Variants in KCNQ3 observed in about 807,000 individuals in gnomAD.
The protein encoded by KCNQ3 is potassium voltage-gated channel subfamily Q member 3.
A neutral mutation model predicts 92.5 loss-of-function variants in KCNQ3; 30 were observed. That is an observed-to-expected ratio of 0.32 (90% CI 0.24 to 0.44). The LOEUF is 0.44. Among genes scored for constraint, KCNQ3 ranks in the 20% least tolerant of loss-of-function variants. KCNQ3 has a pLI of 1.00. For synonymous variants in KCNQ3, 450 were observed against 468.8 expected, an observed-to-expected ratio of 0.96 and a Z score of 0.52; for missense variants, 913 against 1,140.3, an observed-to-expected ratio of 0.80 and a Z score of 2.87.
chr8:132,244,710 A>C (rs1320338667), intron 1 of KCNQ3, among the ~76,000 whole-genome samples: 2 of 152,128 alleles, frequency 1.3e-5, no homozygotes, highest in Non-Finnish European at 2.9e-5. Flanking sequence ...TCTCCAATTC[A>C]AGTCCAGCTG....
intron 9 of KCNQ3, 99 bp downstream of exon 9, chr8:132,163,369 G>T: frequency 2.1e-6 from 2 of 974,386 alleles, no homozygotes; most frequent in South Asian, 1.3e-5. Context: ...TCTATCTTGG[G>T]ACCAGCATGA....
chr8:132,212,943 A>G (rs1418014725), intron 1 of KCNQ3, among the ~76,000 whole-genome samples: 1 of 152,226 alleles, frequency 6.6e-6, no homozygotes, highest in Non-Finnish European at 1.5e-5. Context: ...GAGCAGGTGC[A>G]CTTCTTCCAG....
chr8:132,176,884 A>G (rs1406805057), intron 4 of KCNQ3, among the ~76,000 whole-genome samples: 1 of 152,250 alleles, frequency 6.6e-6, no homozygotes, highest in Admixed American at 6.5e-5. Context: ...CCTTGCCCAC[A>G]GCATCACATA....
At chr8:132,274,088 C>T (rs1183461256) in intron 1 of KCNQ3, among the ~76,000 whole-genome samples, 7 of 152,186 alleles carry the variant, frequency 4.6e-5, no homozygotes, top group African/African-American at 1.7e-4. Flanking sequence ...CAGCAGCACC[C>T]CACTCTACTG....
chr8:132,338,276 T>C (rs1001007026), intron 1 of KCNQ3, among the ~76,000 whole-genome samples: 1 of 152,138 alleles, frequency 6.6e-6, no homozygotes, highest in African/African-American at 2.4e-5. Context: ...AGAACTGAAA[T>C]TAAACACCCA....
intron 1 of KCNQ3, among the ~76,000 whole-genome samples, chr8:132,216,864 G>A (rs1019103022): frequency 2.1e-4 from 32 of 152,146 alleles, no homozygotes; most frequent in African/African-American, 7.7e-4. Context: ...GCAAGAAGAA[G>A]TGTGCTGGTG....
chr8:132,333,686 A>C (rs1818291054), intron 1 of KCNQ3, among the ~76,000 whole-genome samples: 1 of 152,044 alleles, frequency 6.6e-6, no homozygotes, highest in Non-Finnish European at 1.5e-5. Context: ...TTCCCTAAAC[A>C]TAGTAATGTA....
intron 1 of KCNQ3, among the ~76,000 whole-genome samples, chr8:132,393,421 C>T (rs1413625456): frequency 2.6e-5 from 4 of 152,178 alleles, no homozygotes; most frequent in Non-Finnish European, 5.9e-5. Flanking sequence ...CAACTCTGCC[C>T]TTGGAGCACA....
intron 1 of KCNQ3, among the ~76,000 whole-genome samples, chr8:132,472,091 A>G (rs948155158): frequency 7.9e-5 from 12 of 152,202 alleles, no homozygotes; most frequent in Admixed American, 7.9e-4. Context: ...AATGGTCATT[A>G]TTAAAAAGGC....
rs1586751595 is a variant in KCNQ3 at position 132,130,161 on chromosome 8, C to A, written c.1885-165G>T. On this transcript the variant is annotated intron_variant, in intron 14 of 14. Coordinates refer to ENST00000388996, the MANE Select transcript of KCNQ3 (RefSeq NM_004519.4). The stretch of plus-strand genomic sequence containing the variant: ...GCAGTGGCGCGATCTGGGCTCATTG[C>A]AACTTCCGCCTCCCGGGTTCAAGCA... Among the ~76,000 whole-genome samples, 3 of 146,776 alleles carry A rather than the reference C, an allele frequency of 2.0e-5. No homozygotes were observed. The East Asian group carries it at 6.1e-4, about 30-fold the overall frequency.
Position 132,126,885 on chromosome 8 carries a change from G to A in KCNQ3, c.*2377C>T, listed in dbSNP as rs1824687991. ...ATCTATTGGTAAAATACTTAAGATA[G>A]TAAGTTCTTCAAGAATACTAATAAG... On this transcript the variant is annotated 3_prime_UTR_variant, in exon 15 of 15. Transcript: ENST00000388996. 1 of 152,228 alleles carries A rather than the reference G, an allele frequency of 6.6e-6. No individual in the cohort carries two copies. The allele number at this position is 152,228 out of a possible 1,614,324, so 9.4% of individuals were successfully genotyped here. A position where few individuals can be genotyped will look rare whatever the true frequency, so the allele number is the denominator to read the frequency against.
intron 1 of KCNQ3, among the ~76,000 whole-genome samples, chr8:132,377,838 A>T (rs945775351): frequency 2.6e-5 from 4 of 152,166 alleles, no homozygotes; most frequent in Non-Finnish European, 5.9e-5. Context: ...TTAGAAGATT[A>T]TGTCAATAAT....
At chr8:132,176,093 T>C (rs1156865056) in intron 4 of KCNQ3, among the ~76,000 whole-genome samples, 2 of 152,198 alleles carry the variant, frequency 1.3e-5, no homozygotes, top group Non-Finnish European at 2.9e-5. Flanking sequence ...AATCTCAGTA[T>C]CTTCATTTGT....
chr8:132,447,238 T>C, intron 1 of KCNQ3: 1 of 1,535,582 alleles, frequency 6.5e-7, no homozygotes, highest in Non-Finnish European at 8.7e-7. Flanking sequence ...AGGTAATGAA[T>C]GCAAGAACAA....
chr8:132,245,474 A>C (rs1815141819), intron 1 of KCNQ3, among the ~76,000 whole-genome samples: 1 of 152,224 alleles, frequency 6.6e-6, no homozygotes, highest in Admixed American at 6.5e-5. Context: ...TGTGTTTAGC[A>C]TATGGACTCT....
intron 1 of KCNQ3, among the ~76,000 whole-genome samples, chr8:132,356,715 G>A (rs1819029188): frequency 6.6e-6 from 1 of 152,164 alleles, no homozygotes; most frequent in Non-Finnish European, 1.5e-5. Flanking sequence ...TGTGATTAAT[G>A]CCCTTCTCAA....
At chr8:132,361,506 A>C (rs1819170912) in intron 1 of KCNQ3, among the ~76,000 whole-genome samples, 1 of 152,224 alleles carries the variant, frequency 6.6e-6, no homozygotes, top group African/African-American at 2.4e-5. Context: ...TATGCCTTAG[A>C]ATAGCAACCT....
chr8:132,141,390 C>T lies in KCNQ3; in HGVS notation c.1263-59G>A, dbSNP rs530779716. 875 of 1,441,866 alleles carry T rather than the reference C, an allele frequency of 6.1e-4. 1 individual carries two copies. Among genetic ancestry groups the T allele is most frequent in the Middle Eastern group, 3.5e-3 (20 of 5,740 alleles). 89.3% of individuals were successfully genotyped at this position (1,441,866 alleles called of 1,614,324 possible). On this transcript the variant is annotated intron_variant, in intron 9 of 14. Transcript: ENST00000388996. ...CTTCAGTGCAGGCTCTTAAAATTTC[C>T]CATCCCTCCATAAAGACTCACACAT...
rs1819287803 is a variant in KCNQ3 at position 132,365,289 on chromosome 8, T to A, written c.386+114858A>T. 5.9e-5 allele frequency among the ~76,000 whole-genome samples: 9 copies of A among 152,258 alleles called. No individual in the cohort carries two copies. The South Asian group carries it at 1.9e-3, about 32-fold the overall frequency. ...ACATTTATTGGGTGCCAACTTTGTG[T>A]TAGATGCCTCCAACTTGTGTGAGAG... is the stretch of plus-strand genomic sequence containing the variant. On this transcript the variant is annotated intron_variant, in intron 1 of 14. Transcript: ENST00000388996.
Sources: gnomAD v4.1 joint callset for allele counts (sites outside exome capture counted in the v4.1 genomes callset) on GRCh38, gnomAD v4.1.1 for gene constraint, MANE v1.5 for transcripts, NCBI Gene and HGNC (gene_info 2026-07-23, HGNC 2026-07-21) for gene names.